Variants in PRDM5 observed in about 807,000 individuals in gnomAD.
The protein encoded by PRDM5 is PR domain zinc finger protein 5.
A neutral mutation model predicts 81.2 loss-of-function variants in PRDM5; 56 were observed. The observed-to-expected ratio is 0.69, with a 90% confidence interval of 0.56 to 0.86. PRDM5 has a LOEUF of 0.86. Among genes scored for constraint, PRDM5 ranks in the 40% least tolerant of loss-of-function variants. PRDM5 has a pLI of 0.00. For synonymous variants in PRDM5, 267 were observed against 256.4 expected (o/e 1.04, Z -0.39); for missense variants, 697 against 770.1 (o/e 0.91, Z 1.12).
chr4:120,853,627 A>C (rs981809686), intron 2 of PRDM5, 87 bp from the exon 3 acceptor site: 2 of 1,536,248 alleles, frequency 1.3e-6, no homozygotes, highest in Non-Finnish European at 1.8e-6. Flanking sequence ...ACGTTTTTTC[A>C]TAAGTATATA....
At chr4:120,841,482 G>A (rs57805313) in intron 3 of PRDM5, among the ~76,000 whole-genome samples, 3 of 152,156 alleles carry the variant, frequency 2.0e-5, no homozygotes, top group Non-Finnish European at 4.4e-5. Flanking sequence ...ACTGTTTTGT[G>A]TTGTATCCAT....
intron 1 of PRDM5, among the ~76,000 whole-genome samples, chr4:120,915,998 CT>C (rs1289088965): frequency 2.0e-5 from 3 of 152,128 alleles, no homozygotes; most frequent in East Asian, 1.9e-4. Flanking sequence ...CAGATAAAGG[CT>C]GAGAAAATTC....
chr4:120,797,656 A>T (rs1039281782), intron 10 of PRDM5, among the ~76,000 whole-genome samples: 2 of 152,184 alleles, frequency 1.3e-5, no homozygotes, highest in Non-Finnish European at 2.9e-5. Flanking sequence ...GAATGAAAAA[A>T]CCATTCTGGG....
chr4:120,691,847 A>C (rs942322945), downstream of PRDM5: 1 of 152,028 alleles, frequency 6.6e-6, no homozygotes, highest in Non-Finnish European at 1.5e-5. Context: ...CTTTAAAGCA[A>C]TTCATTTGGA....
intron 14 of PRDM5, among the ~76,000 whole-genome samples, chr4:120,749,630 G>A (rs923860053): frequency 6.6e-6 from 1 of 152,212 alleles, no homozygotes; most frequent in Admixed American, 6.5e-5. Context: ...TGAGTGAGGA[G>A]GGAGACACCT....
intron 2 of PRDM5, among the ~76,000 whole-genome samples, chr4:120,868,976 A>G (rs343211): frequency 0.45 from 68,159 of 151,906 alleles, 15,498 homozygotes; most frequent in Non-Finnish European, 0.47. Context: ...ATATCAACAT[A>G]GCCCTCCTTT....
intron 10 of PRDM5, among the ~76,000 whole-genome samples, chr4:120,786,440 T>C (rs910888980): frequency 3.3e-5 from 5 of 152,096 alleles, no homozygotes; most frequent in Non-Finnish European, 7.4e-5. Flanking sequence ...ATAAAATACA[T>C]GAACATTTAG....
chr4:120,730,496 C>T (rs1425791874), intron 14 of PRDM5, among the ~76,000 whole-genome samples: 1 of 152,048 alleles, frequency 6.6e-6, no homozygotes, highest in African/African-American at 2.4e-5. Context: ...GTCTTTATCC[C>T]AAGATACCTG....
At chr4:120,817,116 A>T (rs1754626393) in intron 5 of PRDM5, among the ~76,000 whole-genome samples, 192 bp from the exon 6 acceptor site, 1 of 152,190 alleles carries the variant, frequency 6.6e-6, no homozygotes, top group Non-Finnish European at 1.5e-5. Flanking sequence ...ATAAATATAT[A>T]ATACTAAATG....
chr4:120,753,598 G>A (rs1744305662), intron 14 of PRDM5, among the ~76,000 whole-genome samples: 1 of 151,918 alleles, frequency 6.6e-6, no homozygotes, highest in East Asian at 1.9e-4. Flanking sequence ...TTATTATTAT[G>A]TGTTTTCTCT....
intron 3 of PRDM5, among the ~76,000 whole-genome samples, chr4:120,833,892 G>A (rs188005620): frequency 5.9e-5 from 9 of 152,224 alleles, no homozygotes; most frequent in Admixed American, 1.3e-4. Context: ...TGTTTGAAAC[G>A]CACTCTGAAT....
chr4:120,754,117 G>A (rs1167392173), intron 14 of PRDM5, among the ~76,000 whole-genome samples: 1 of 152,110 alleles, frequency 6.6e-6, no homozygotes, highest in Non-Finnish European at 1.5e-5. Context: ...ACCTGTCCTG[G>A]TAATTTATCT....
intron 13 of PRDM5, among the ~76,000 whole-genome samples, chr4:120,773,329 T>C (rs1400819767): frequency 6.6e-6 from 1 of 152,140 alleles, no homozygotes; most frequent in Admixed American, 6.5e-5. Context: ...AATATAGGAA[T>C]TATAGCAGTC....
At chr4:120,784,948 A>G in intron 11 of PRDM5, 50 bp downstream of exon 11, 3 of 1,427,400 alleles carry the variant, frequency 2.1e-6, no homozygotes, top group African/African-American at 1.4e-5. Context: ...TTATAAAAAC[A>G]AAGTATGAGA....
intron 15 of PRDM5, among the ~76,000 whole-genome samples, chr4:120,706,711 T>TTA (rs1196395792): frequency 0.027 from 791 of 28,878 alleles, 4 homozygotes; most frequent in African/African-American, 0.039. Flanking sequence ...AAAACTGGTT[T>TTA]TATATATATA....
chr4:120,906,671 T>C (rs564941988), intron 2 of PRDM5, among the ~76,000 whole-genome samples: 3 of 152,308 alleles, frequency 2.0e-5, no homozygotes, highest in South Asian at 4.1e-4. Flanking sequence ...TACTGGCATA[T>C]ACAGATCTCT....
intron 12 of PRDM5, among the ~76,000 whole-genome samples, chr4:120,779,257 T>C (rs1748652211): frequency 6.6e-6 from 1 of 152,092 alleles, no homozygotes; most frequent in Admixed American, 6.6e-5. Context: ...AAAGGTATAA[T>C]ACTAAACTAC....
chr4:120,913,559 A>C (rs1048394504), intron 1 of PRDM5, among the ~76,000 whole-genome samples: 3 of 152,238 alleles, frequency 2.0e-5, no homozygotes, highest in Non-Finnish European at 2.9e-5. Context: ...TGCAGAAGAG[A>C]TGCGACAAAA....
rs199713072 is a variant in PRDM5 at position 120,770,278 on chromosome 4, C to G, written c.1537+6910G>C. 2.0e-4 allele frequency among the ~76,000 whole-genome samples: 30 copies of G among 152,214 alleles called. No individual in the cohort carries two copies. In the East Asian group the frequency reaches 5.4e-3, roughly 27 times the overall value. Reference sequence around the variant, plus strand: ...TCCTGACCTCAGGTGATCTGCCCACCTCAACCTCCCAAAGTGCTGAGATTA... The same window carrying G: ...TCCTGACCTCAGGTGATCTGCCCACGTCAACCTCCCAAAGTGCTGAGATTA... On this transcript the variant is annotated intron_variant, in intron 13 of 15. Transcript: ENST00000264808.
Sources: gnomAD v4.1 joint callset for allele counts (sites outside exome capture counted in the v4.1 genomes callset) on GRCh38, gnomAD v4.1.1 for gene constraint, MANE v1.5 for transcripts, NCBI Gene and HGNC (gene_info 2026-07-23, HGNC 2026-07-21) for gene names.